Variants in CXCL13 observed in about 807,000 individuals in gnomAD.
The protein encoded by CXCL13 is C-X-C motif chemokine ligand 13.
CXCL13 carries 7 observed loss-of-function variants against 12.2 expected under a neutral mutation model. The observed-to-expected ratio is 0.57, with a 90% CI of 0.33 to 1.07. The LOEUF (loss-of-function observed/expected upper bound fraction) is 1.07, where lower values mean the gene tolerates loss of function less well. CXCL13 is among the 50% of genes least tolerant of loss of function. The pLI is 0.04. For missense variants in CXCL13, 113 were observed against 127.4 expected (o/e 0.89, Z 0.55); for synonymous variants, 47 against 42.4 (o/e 1.11, Z -0.42).
At chr4:77,522,066 T>C (rs1360471885) in intron 1 of CXCL13, among the ~76,000 whole-genome samples, 1 of 152,314 alleles carries the variant, frequency 6.6e-6, no homozygotes, top group Non-Finnish European at 1.5e-5. Flanking sequence ...TGCACTGTGG[T>C]CTGAGAGATG....
At chr4:77,520,489 A>T (rs964080282) in intron 1 of CXCL13, among the ~76,000 whole-genome samples, 3 of 152,098 alleles carry the variant, frequency 2.0e-5, no homozygotes, top group Admixed American at 6.6e-5. Flanking sequence ...TGTGAATGGG[A>T]GTTCACTCAT....
At position 77,533,893 on chromosome 4, in the gene CXCL13, T is replaced by G. The variant is rs999637220; in HGVS notation, c.-43+22105T>G. Among the ~76,000 whole-genome samples, 8 of 152,234 alleles carry G rather than the reference T, an allele frequency of 5.3e-5. No individual in the cohort carries two copies. In the East Asian group the frequency reaches 1.3e-3, roughly 26 times the overall value. On this transcript the variant is annotated intron_variant, in intron 1 of 4. Transcript: ENST00000286758. Reference sequence around the variant, plus strand: ...CTAAGACCTTTGGAAAAGTGCAGTATTAGGGTGAGAGTGACCCAATTTTCC... The same window carrying G: ...CTAAGACCTTTGGAAAAGTGCAGTAGTAGGGTGAGAGTGACCCAATTTTCC...
chr4:77,517,916 A>G (rs1329513798), intron 1 of CXCL13, among the ~76,000 whole-genome samples: 1 of 152,124 alleles, frequency 6.6e-6, no homozygotes, highest in Non-Finnish European at 1.5e-5. Context: ...TGGTCTTTAC[A>G]TTTTGGCATG....
At chr4:77,579,063 G>A (rs1726256702) in intron 1 of CXCL13, among the ~76,000 whole-genome samples, 1 of 152,186 alleles carries the variant, frequency 6.6e-6, no homozygotes, top group South Asian at 2.1e-4. Context: ...CCACTGCAAG[G>A]GCTACACTCT....
At chr4:77,578,288 A>G (rs1012560350) in intron 1 of CXCL13, among the ~76,000 whole-genome samples, 2 of 152,174 alleles carry the variant, frequency 1.3e-5, no homozygotes, top group Non-Finnish European at 2.9e-5. Context: ...CTGGAGCCAC[A>G]GATGATGGCC....
chr4:77,605,011 T>C (rs913220641), upstream of CXCL13, among the ~76,000 whole-genome samples: 1 of 152,170 alleles, frequency 6.6e-6, no homozygotes, highest in Non-Finnish European at 1.5e-5. Context: ...GACTAGTTGG[T>C]GGGATCAAAA....
intron 1 of CXCL13, among the ~76,000 whole-genome samples, chr4:77,536,878 T>C (rs1363767097): frequency 6.6e-6 from 1 of 152,156 alleles, no homozygotes; most frequent in Non-Finnish European, 1.5e-5. Context: ...AAAAAAGCTA[T>C]CTCATTTTTT....
At chr4:77,577,249 G>A (rs113649459) in intron 1 of CXCL13, among the ~76,000 whole-genome samples, 3,277 of 152,202 alleles carry the variant, frequency 0.022, 125 homozygotes, top group African/African-American at 0.073. Flanking sequence ...ATAGCCACCA[G>A]TTATCTGGGT....
At chr4:77,549,420 G>T (rs961595115) in intron 1 of CXCL13, among the ~76,000 whole-genome samples, 4 of 152,134 alleles carry the variant, frequency 2.6e-5, no homozygotes, top group Admixed American at 2.0e-4. Context: ...GAGGTGCTCT[G>T]GTTTTTAGAA....
intron 1 of CXCL13, among the ~76,000 whole-genome samples, chr4:77,534,268 C>T (rs1237037852): frequency 6.6e-6 from 1 of 152,186 alleles, no homozygotes; most frequent in Non-Finnish European, 1.5e-5. Context: ...CACATGAACA[C>T]TATGTTCACA....
At position 77,562,082 on chromosome 4, in the gene CXCL13, G is replaced by A. The variant is rs561903848; in HGVS notation, c.-42-43742G>A. On this transcript the variant is annotated intron_variant, in intron 1 of 4. Coordinates refer to the CXCL13 transcript ENST00000286758. The stretch of plus-strand genomic sequence containing the variant: ...CCACCAGGGCTGCGCTCGAATTCTC[G>A]CGGGGCCTCAGCTGCCTCCCTGTGG... Among the ~76,000 whole-genome samples the A allele has an allele frequency of 2.4e-4, 37 of 152,206 alleles. No homozygotes were observed. In the South Asian group the frequency reaches 2.5e-3, roughly 10 times the overall value.
At chr4:77,518,738 G>T (rs1578032392) in intron 1 of CXCL13, among the ~76,000 whole-genome samples, 1 of 152,074 alleles carries the variant, frequency 6.6e-6, no homozygotes, top group East Asian at 1.9e-4. Context: ...CCTTTGGTTT[G>T]AATTTCCTCC....
chr4:77,545,759 C>T (rs559367131), intron 1 of CXCL13, among the ~76,000 whole-genome samples: 1 of 152,248 alleles, frequency 6.6e-6, no homozygotes, highest in South Asian at 2.1e-4. Flanking sequence ...TGCCTGATTG[C>T]CCTGGCCAGA....
chr4:77,557,611 T>C (rs1313599476), intron 1 of CXCL13, among the ~76,000 whole-genome samples: 1 of 152,218 alleles, frequency 6.6e-6, no homozygotes, highest in Non-Finnish European at 1.5e-5. Context: ...ATTAAGATAA[T>C]TGCCATTACC....
At chr4:77,557,183 A>G (rs1725679414) in intron 1 of CXCL13, among the ~76,000 whole-genome samples, 1 of 152,252 alleles carries the variant, frequency 6.6e-6, no homozygotes, top group Non-Finnish European at 1.5e-5. Context: ...TTCATTGATT[A>G]CTTGGTTCTC....
chr4:77,556,351 C>T (rs1437849945), intron 1 of CXCL13, among the ~76,000 whole-genome samples: 2 of 152,138 alleles, frequency 1.3e-5, no homozygotes, highest in African/African-American at 4.8e-5. Flanking sequence ...CAAAAGAATA[C>T]ATGCTGCATA....
chr4:77,542,854 G>C (rs1388955303), intron 1 of CXCL13, among the ~76,000 whole-genome samples: 1 of 152,098 alleles, frequency 6.6e-6, no homozygotes, highest in Non-Finnish European at 1.5e-5. Context: ...GCCAGGTTTT[G>C]GTATCAGGGT....
intron 1 of CXCL13, among the ~76,000 whole-genome samples, chr4:77,581,871 A>G (rs1021283829): frequency 6.6e-6 from 1 of 152,124 alleles, no homozygotes; most frequent in Admixed American, 6.6e-5. Flanking sequence ...AGCATAATCT[A>G]TGTTCACTGG....
At chr4:77,528,362 C>G (rs1166039135) in intron 1 of CXCL13, among the ~76,000 whole-genome samples, 2 of 152,316 alleles carry the variant, frequency 1.3e-5, no homozygotes, top group African/African-American at 4.8e-5. Context: ...CACTGACTTC[C>G]ACAATGGTTG....
Sources: gnomAD v4.1 joint callset for allele counts (sites outside exome capture counted in the v4.1 genomes callset) on GRCh38, gnomAD v4.1.1 for gene constraint, MANE v1.5 for transcripts, NCBI Gene and HGNC (gene_info 2026-07-23, HGNC 2026-07-21) for gene names.